The following EFNA5 variants were observed in gnomAD, a reference collection of about 807,000 sequenced individuals.
The protein encoded by EFNA5 is ephrin A5.
EFNA5 carries 5 observed loss-of-function variants against 22.9 expected under a neutral mutation model. The observed-to-expected ratio is 0.22, with a 90% CI of 0.11 to 0.46. The LOEUF is 0.46. EFNA5 is among the 20% of genes least tolerant of loss of function. The probability of loss-of-function intolerance (pLI) is 0.99; values close to 1 mark genes in which losing one functional copy is unlikely to be tolerated. For synonymous variants in EFNA5, 113 were observed against 112.2 expected (o/e 1.01, Z -0.04); for missense variants, 237 against 293.3 (o/e 0.81, Z 1.40).
chr5:107,647,387 T>C (rs1399637601), intron 1 of EFNA5, among the ~76,000 whole-genome samples: 1 of 152,128 alleles, frequency 6.6e-6, no homozygotes, highest in Non-Finnish European at 1.5e-5. Flanking sequence ...CATAGCCCCA[T>C]AACTGGCATT....
At chr5:107,511,041 T>TGTGTGTGTGAGA (rs1363882358) in intron 1 of EFNA5, among the ~76,000 whole-genome samples, 6 of 149,756 alleles carry the variant, frequency 4.0e-5, no homozygotes, top group African/African-American at 1.5e-4. Flanking sequence ...TGTGTGTGTG[T>TGTGTGTGTGAGA]GAGACGGAGA....
chr5:107,547,680 G>A (rs1748197271), intron 1 of EFNA5, among the ~76,000 whole-genome samples: 1 of 144,850 alleles, frequency 6.9e-6, no homozygotes, highest in Admixed American at 7.0e-5. Context: ...TTTACATGAA[G>A]TCCCTTGTTA....
intron 1 of EFNA5, among the ~76,000 whole-genome samples, chr5:107,670,030 T>TAA (rs67814628): frequency 1.7e-5 from 2 of 116,688 alleles, no homozygotes; most frequent in Non-Finnish European, 1.7e-5. Context: ...AAATTAAAAT[T>TAA]AAAAAAAAAA....
chr5:107,499,286 C>T (rs1331953114), intron 1 of EFNA5, among the ~76,000 whole-genome samples: 5 of 152,170 alleles, frequency 3.3e-5, no homozygotes, highest in Admixed American at 2.6e-4. Flanking sequence ...CAGGGATATA[C>T]TCTTCTCCCT....
intron 1 of EFNA5, among the ~76,000 whole-genome samples, chr5:107,498,006 C>T (rs1747030871): frequency 6.6e-6 from 1 of 152,188 alleles, no homozygotes; most frequent in Non-Finnish European, 1.5e-5. Flanking sequence ...GCCTCGGCCT[C>T]CTGAGTTCAA....
chr5:107,476,056 A>ATT (rs1251405666), intron 1 of EFNA5, among the ~76,000 whole-genome samples: 1 of 115,404 alleles, frequency 8.7e-6, no homozygotes, highest in South Asian at 2.6e-4. Flanking sequence ...CTATATATAT[A>ATT]TTTTTTTTTT....
chr5:107,551,035 A>G (rs1391675470), intron 1 of EFNA5, among the ~76,000 whole-genome samples: 2 of 152,254 alleles, frequency 1.3e-5, no homozygotes. Flanking sequence ...TAAACTTTAT[A>G]TAGCACTTAA....
At position 107,670,750 on chromosome 5, in the gene EFNA5, G is replaced by C; in HGVS notation, c.-137C>G. On this transcript the variant is annotated 5_prime_UTR_variant, in exon 1 of 5. Coordinates refer to ENST00000333274, the MANE Select transcript of EFNA5 (RefSeq NM_001962.3). ...TGAATAAATAAAAATGAAAGTGGGC[G>C]AGAAAGGAAAGAGGCGCCCACCAAG... 1 of 1,281,042 alleles carries C rather than the reference G, an allele frequency of 7.8e-7. No homozygotes were observed. The highest frequency in any genetic ancestry group is 1.1e-6 in the Non-Finnish European group (1 of 941,698). The allele number at this position is 1,281,042 out of a possible 1,614,324, so 79.4% of individuals were successfully genotyped here.
chr5:107,503,739 C>T (rs1231730296), intron 1 of EFNA5, among the ~76,000 whole-genome samples: 1 of 152,112 alleles, frequency 6.6e-6, no homozygotes, highest in Non-Finnish European at 1.5e-5. Context: ...TCAGCAGTCA[C>T]TTTAAAATTA....
At chr5:107,397,525 G>T (rs1417282662) in intron 2 of EFNA5, among the ~76,000 whole-genome samples, 2 of 149,938 alleles carry the variant, frequency 1.3e-5, no homozygotes, top group African/African-American at 4.9e-5. Flanking sequence ...TCTAGTCTGG[G>T]TGACAGAGTG....
At chr5:107,397,032 C>T (rs921370306) in intron 2 of EFNA5, among the ~76,000 whole-genome samples, 1 of 152,136 alleles carries the variant, frequency 6.6e-6, no homozygotes, top group Middle Eastern at 3.2e-3. Flanking sequence ...CATGCCCATA[C>T]CAGTCCATGG....
At chr5:107,549,496 TAA>T (rs1209270491) in intron 1 of EFNA5, among the ~76,000 whole-genome samples, 1 of 152,232 alleles carries the variant, frequency 6.6e-6, no homozygotes, top group East Asian at 1.9e-4. Flanking sequence ...TCGAACAGAC[TAA>T]GAGAGAAGTA....
intron 1 of EFNA5, among the ~76,000 whole-genome samples, chr5:107,528,270 A>T (rs1747738647): frequency 6.6e-6 from 1 of 152,204 alleles, no homozygotes; most frequent in African/African-American, 2.4e-5. Flanking sequence ...AGCCAGAAAG[A>T]AGACCTTTGG....
At chr5:107,644,354 A>G (rs981587348) in intron 1 of EFNA5, among the ~76,000 whole-genome samples, 4 of 151,972 alleles carry the variant, frequency 2.6e-5, no homozygotes, top group Non-Finnish European at 4.4e-5. Flanking sequence ...AAAAATGAGG[A>G]AAAAAAAGAA....
In EFNA5 at chr5:107,461,987, A is replaced by G. The variant is rs572432541; in HGVS notation, c.126-34478T>C. Among the ~76,000 whole-genome samples, 7 of 152,282 alleles carry G rather than the reference A, an allele frequency of 4.6e-5. 1 individual carries two copies. The South Asian group carries it at 1.2e-3, about 27-fold the overall frequency. ...CAGGCTACACATTAACTAAATTCCA[A>G]TGTGCCCTGCACAGAGCAACCTCTT... is the stretch of plus-strand genomic sequence containing the variant. On this transcript the variant is annotated intron_variant, in intron 1 of 4. Transcript: ENST00000333274.
intron 1 of EFNA5, among the ~76,000 whole-genome samples, chr5:107,465,549 G>C (rs567556448): frequency 1.2e-4 from 18 of 152,218 alleles, no homozygotes; most frequent in African/African-American, 4.3e-4. Context: ...GGTGATCATG[G>C]AGTGATGACA....
At chr5:107,480,616 G>A (rs1187882074) in intron 1 of EFNA5, among the ~76,000 whole-genome samples, 2 of 152,170 alleles carry the variant, frequency 1.3e-5, no homozygotes, top group African/African-American at 4.8e-5. Flanking sequence ...CACCAATTAC[G>A]TGAATACCTG....
intron 1 of EFNA5, among the ~76,000 whole-genome samples, chr5:107,462,151 C>G (rs1004911463): frequency 4.6e-5 from 7 of 151,938 alleles, no homozygotes; most frequent in African/African-American, 1.7e-4. Context: ...ACGCCAAGGT[C>G]CTAAAACTGC....
chr5:107,603,710 A>G (rs1580554939), intron 1 of EFNA5, among the ~76,000 whole-genome samples: 2 of 152,234 alleles, frequency 1.3e-5, no homozygotes, highest in Non-Finnish European at 1.5e-5. Context: ...GAAACAAGCT[A>G]CAGACACCAC....
Sources: allele counts gnomAD v4.1 joint callset (sites outside exome capture counted in the v4.1 genomes callset), GRCh38; gene constraint gnomAD v4.1.1; transcripts MANE v1.5; gene names NCBI Gene and HGNC (gene_info 2026-07-23, HGNC 2026-07-21).